The following PLCZ1 variants were observed in gnomAD, a reference collection of about 807,000 sequenced individuals.
PLCZ1 encodes phospholipase C zeta 1.
A neutral mutation model predicts 76.8 loss-of-function variants in PLCZ1; 64 were observed. The observed-to-expected ratio is 0.83, with a 90% confidence interval of 0.68 to 1.03. The LOEUF is 1.03. Among genes scored for constraint, PLCZ1 ranks in the 50% least tolerant of loss-of-function variants. The probability of loss-of-function intolerance (pLI) is 0.00; values close to 1 mark genes in which losing one functional copy is unlikely to be tolerated. For synonymous variants in PLCZ1, 248 were observed against 230.8 expected (o/e 1.07, Z -0.68); for missense variants, 751 against 713.7 (o/e 1.05, Z -0.60).
chr12:18,687,403 T>G (rs897699884), intron 13 of PLCZ1, among the ~76,000 whole-genome samples: 8 of 152,128 alleles, frequency 5.3e-5, no homozygotes, highest in African/African-American at 1.9e-4. Flanking sequence ...CAAGAATCAG[T>G]TCCAATGTCT....
chr12:18,696,949 T>TAC (rs1565674233), intron 10 of PLCZ1, among the ~76,000 whole-genome samples: 1 of 152,160 alleles, frequency 6.6e-6, no homozygotes, highest in Admixed American at 6.6e-5. Context: ...GGAACAAACA[T>TAC]ACACACACAG....
chr12:18,705,795 G>C (rs1158417336), intron 6 of PLCZ1, among the ~76,000 whole-genome samples: 1 of 152,112 alleles, frequency 6.6e-6, no homozygotes, highest in Non-Finnish European at 1.5e-5. Context: ...GAACCCGGGA[G>C]GCAGAGATTA....
chr12:18,723,578 G>T, intron 3 of PLCZ1, 36 bp from the exon 4 acceptor site: 2 of 1,483,592 alleles, frequency 1.3e-6, no homozygotes, highest in Non-Finnish European at 1.9e-6. Context: ...CACATTGTGA[G>T]TATAAAAAAT....
the PLCZ1 span, among the ~76,000 whole-genome samples, chr12:18,672,191 G>T: frequency 2.0e-5 from 3 of 152,084 alleles, no homozygotes; most frequent in African/African-American, 7.2e-5. Context: ...TTCTCAGTTT[G>T]GCAGAATTAG....
intron 3 of PLCZ1, 66 bp from the exon 4 acceptor site, chr12:18,723,608 G>A (rs886808294): frequency 8.5e-7 from 1 of 1,180,034 alleles, no homozygotes; most frequent in South Asian, 1.3e-5. Flanking sequence ...GAATATTAGA[G>A]TATTTATGTA....
intron 12 of PLCZ1, chr12:18,693,975 C>T (rs1954555153): frequency 8.6e-6 from 13 of 1,507,944 alleles, no homozygotes; most frequent in Non-Finnish European, 1.2e-5. Flanking sequence ...GCAGTCTGTA[C>T]AGAAGCTGGT....
chr12:18,683,350 G>T, intron 14 of PLCZ1, 26 bp from the exon 15 acceptor site: 2 of 1,603,412 alleles, frequency 1.2e-6, no homozygotes, highest in South Asian at 1.1e-5. Context: ...TATCTAATTA[G>T]ACCAATAACC....
chr12:18,666,781 A>G, the PLCZ1 span, among the ~76,000 whole-genome samples: 1 of 152,226 alleles, frequency 6.6e-6, no homozygotes, highest in Non-Finnish European at 1.5e-5. Flanking sequence ...GACATGAAAC[A>G]TTCTCCAGGA....
chr12:18,735,281 A>G (rs951467384), intron 3 of PLCZ1, among the ~76,000 whole-genome samples: 7 of 152,164 alleles, frequency 4.6e-5, no homozygotes, highest in Admixed American at 4.6e-4. Flanking sequence ...TAAAACTGGA[A>G]GTGTTCCCTC....
chr12:18,696,800 T>A (rs1648734148), intron 10 of PLCZ1, among the ~76,000 whole-genome samples: 1 of 152,120 alleles, frequency 6.6e-6, no homozygotes, highest in Admixed American at 6.6e-5. Flanking sequence ...TTCCAATCCC[T>A]TCACTCCAGC....
chr12:18,671,429 G>A, the PLCZ1 span, among the ~76,000 whole-genome samples: 5 of 152,134 alleles, frequency 3.3e-5, no homozygotes, highest in Non-Finnish European at 4.4e-5. Context: ...ATAAGGGACT[G>A]TGTGTGACTG....
intron 7 of PLCZ1, among the ~76,000 whole-genome samples, chr12:18,702,949 T>A (rs1233035513): frequency 6.6e-6 from 1 of 151,056 alleles, no homozygotes; most frequent in Non-Finnish European, 1.5e-5. Flanking sequence ...GCCTCCCAAG[T>A]AGCTGGGATT....
At chr12:18,685,847 C>T (rs1382450449) in intron 13 of PLCZ1, among the ~76,000 whole-genome samples, 2 of 49,912 alleles carry the variant, frequency 4.0e-5, no homozygotes, top group African/African-American at 2.4e-4. Flanking sequence ...CACACACGCG[C>T]ACACACACAC....
At chr12:18,711,629 T>C (rs904124093) in intron 6 of PLCZ1, among the ~76,000 whole-genome samples, 26 of 151,682 alleles carry the variant, frequency 1.7e-4, no homozygotes, top group African/African-American at 3.9e-4. Flanking sequence ...TAGGTTACAG[T>C]TGGCAAAAAA....
At chr12:18,701,462 T>C (rs771922448) in intron 9 of PLCZ1, 39 bp downstream of exon 9, 3 of 1,612,186 alleles carry the variant, frequency 1.9e-6, no homozygotes, top group African/African-American at 1.3e-5. Context: ...TAGAAAACTT[T>C]CCAATCACTT....
At chr12:18,693,598 T>C in intron 12 of PLCZ1, 3 of 1,580,210 alleles carry the variant, frequency 1.9e-6, no homozygotes, top group Non-Finnish European at 1.7e-6. Flanking sequence ...TTCGAGTTGC[T>C]GAAGAACGTG....
intron 6 of PLCZ1, among the ~76,000 whole-genome samples, chr12:18,707,872 T>A (rs534949997): frequency 4.6e-5 from 7 of 152,320 alleles, no homozygotes; most frequent in Admixed American, 3.3e-4. Context: ...TGGGTGTTTT[T>A]AAATGCATTT....
At chr12:18,660,375 T>C in the PLCZ1 span, among the ~76,000 whole-genome samples, 1 of 152,154 alleles carries the variant, frequency 6.6e-6, no homozygotes, top group South Asian at 2.1e-4. Flanking sequence ...TGGGAAGTTT[T>C]GTTGCAACTC....
At chr12:18,671,319 AT>A in the PLCZ1 span, among the ~76,000 whole-genome samples, 69 of 151,730 alleles carry the variant, frequency 4.5e-4, no homozygotes, top group African/African-American at 1.5e-3. Context: ...AGATATTGGG[AT>A]TTTTTTTTAT....
Sources: allele counts gnomAD v4.1 joint callset (sites outside exome capture counted in the v4.1 genomes callset), GRCh38; gene constraint gnomAD v4.1.1; transcripts MANE v1.5; gene names NCBI Gene and HGNC (gene_info 2026-07-23, HGNC 2026-07-21).